KPNA6: variants seen among roughly 807,000 people sequenced by gnomAD.
KPNA6 encodes importin subunit alpha-7.
Under a neutral mutation model 72.0 loss-of-function variants are expected in KPNA6, and 9 were observed. The ratio of observed to expected loss-of-function variants is 0.13; its 90% CI spans 0.08 to 0.22. The LOEUF (loss-of-function observed/expected upper bound fraction) is 0.22, where lower values mean the gene tolerates loss of function less well. Ranked by LOEUF, KPNA6 falls within the 10% of genes least tolerant of loss-of-function variation. KPNA6 has a pLI of 1.00. For missense variants in KPNA6, 374 were observed against 655.7 expected (o/e 0.57, Z 4.69); for synonymous variants, 219 against 242.1 (o/e 0.90, Z 0.89).
rs1347986659 is a variant in KPNA6, at chr1:32,119,020, A to T, written c.4+10886A>T. 4.0e-3 allele frequency among the ~76,000 whole-genome samples: 291 copies of T among 72,740 alleles called. 17 individuals are homozygous for T. The highest frequency in any genetic ancestry group is 9.9e-3 in the East Asian group (24 of 2,434). The allele number at this position is 72,740 out of a possible 152,430, so 47.7% of individuals were successfully genotyped here. ...TACATATATATATATATATATATAT[A>T]TATATATATATATTTTTTTTTTTTT... On this transcript the variant is annotated intron_variant, in intron 1 of 13. Coordinates refer to ENST00000373625, the MANE Select transcript of KPNA6 (RefSeq NM_012316.5).
chr1:32,118,295 T>G (rs1641362735), intron 1 of KPNA6, among the ~76,000 whole-genome samples: 1 of 151,970 alleles, frequency 6.6e-6, no homozygotes, highest in African/African-American at 2.4e-5. Flanking sequence ...ACTTTATGCC[T>G]TCCAGTTTGG....
At chr1:32,139,722 T>C (rs1287882287) in intron 1 of KPNA6, among the ~76,000 whole-genome samples, 2 of 152,190 alleles carry the variant, frequency 1.3e-5, no homozygotes, top group Admixed American at 6.6e-5. Context: ...GATAATGATA[T>C]TGTAGTTTTT....
chr1:32,174,411 A>T lies in KPNA6; in HGVS notation c.*3517A>T, dbSNP rs1437626427. 1 of 152,208 alleles carries T rather than the reference A, an allele frequency of 6.6e-6. No individual in the cohort carries two copies. The highest frequency in any genetic ancestry group is 2.4e-5 in the African/African-American group (1 of 41,448). 9.4% of individuals were successfully genotyped at this position (152,208 alleles called of 1,614,324 possible). A position where few individuals can be genotyped will look rare whatever the true frequency, so the allele number is the denominator to read the frequency against. On this transcript the variant is annotated 3_prime_UTR_variant, in exon 14 of 14. Coordinates refer to ENST00000373625, the MANE Select transcript of KPNA6 (RefSeq NM_012316.5). ...CAAACCAGTTTAAAATGTCTAGCAGAATGAACTGTATTTCCATTTCTTCAT... is the reference window on the plus strand; with the variant it reads ...CAAACCAGTTTAAAATGTCTAGCAGTATGAACTGTATTTCCATTTCTTCAT...
At chr1:32,120,413 T>C (rs919287016) in intron 1 of KPNA6, among the ~76,000 whole-genome samples, 3 of 148,566 alleles carry the variant, frequency 2.0e-5, no homozygotes, top group African/African-American at 7.7e-5. Flanking sequence ...CCTCCCTAAC[T>C]TTTTTTGTAT....
intron 9 of KPNA6, 117 bp from the exon 10 acceptor site, chr1:32,163,114 GAAAA>G: frequency 4.5e-6 from 3 of 669,846 alleles, no homozygotes. Context: ...AAAAAAAAAA[GAAAA>G]AAGAAAAAAA....
rs138994041 is a variant in KPNA6 at position 32,173,356 on chromosome 1, A to G, written c.*2462A>G. On this transcript the variant is annotated 3_prime_UTR_variant, in exon 14 of 14. Coordinates refer to ENST00000373625, the MANE Select transcript of KPNA6 (RefSeq NM_012316.5). Reference sequence around the variant, plus strand: ...TTGTCCAGCTGTTCCTCCAAAATCTACTTTGGCTTCAGCTCCGGGTCCTGT... The same window carrying G: ...TTGTCCAGCTGTTCCTCCAAAATCTGCTTTGGCTTCAGCTCCGGGTCCTGT... 3.6e-4 allele frequency: 133 copies of G among 365,538 alleles called. No homozygotes were observed. Among genetic ancestry groups the G allele is most frequent in the African/African-American group, 2.5e-3 (120 of 47,926 alleles). 22.6% of individuals were successfully genotyped at this position (365,538 alleles called of 1,614,324 possible).
At chr1:32,143,484 A>C (rs1641875480) in intron 1 of KPNA6, among the ~76,000 whole-genome samples, 1 of 151,716 alleles carries the variant, frequency 6.6e-6, no homozygotes, top group Non-Finnish European at 1.5e-5. Flanking sequence ...ACTTGAGGAG[A>C]ATCACTTGAA....
chr1:32,163,655 AC>A (rs1298164342), intron 10 of KPNA6, among the ~76,000 whole-genome samples: 1 of 152,154 alleles, frequency 6.6e-6, no homozygotes, highest in Non-Finnish European at 1.5e-5. Flanking sequence ...ATGGAACTCC[AC>A]CCCTGCTTCC....
At chr1:32,128,367 T>A (rs1641569714) in intron 1 of KPNA6, among the ~76,000 whole-genome samples, 1 of 132,658 alleles carries the variant, frequency 7.5e-6, no homozygotes, top group African/African-American at 2.7e-5. Flanking sequence ...ATATATATAT[T>A]TTTTATATTA....
intron 1 of KPNA6, among the ~76,000 whole-genome samples, chr1:32,116,471 T>A (rs1236943164): frequency 6.6e-6 from 1 of 151,992 alleles, no homozygotes; most frequent in Admixed American, 6.6e-5. Context: ...TCAGCCTGAC[T>A]AACATGGAGA....
chr1:32,167,402 C>A, intron 12 of KPNA6, 106 bp downstream of exon 12: 1 of 1,270,594 alleles, frequency 7.9e-7, no homozygotes, highest in Non-Finnish European at 1.1e-6. Flanking sequence ...CAGGTCTGCC[C>A]CCTAGTCTCA....
rs1467642466 is a variant in KPNA6 at position 32,175,401 on chromosome 1, T to G, written c.*4507T>G. 3 of 152,286 alleles carry G rather than the reference T, an allele frequency of 2.0e-5. No homozygotes were observed. The East Asian group carries it at 5.8e-4, about 29-fold the overall frequency. 9.4% of individuals were successfully genotyped at this position (152,286 alleles called of 1,614,324 possible). A position where few individuals can be genotyped will look rare whatever the true frequency, so the allele number is the denominator to read the frequency against. On this transcript the variant is annotated 3_prime_UTR_variant, in exon 14 of 14. Coordinates refer to ENST00000373625, the MANE Select transcript of KPNA6 (RefSeq NM_012316.5). ...GCCCTGTTCTCCTGTAACTATTATA[T>G]ACGCCATGGCCTGGGGGGCATTGAA...
At chr1:32,154,972 G>A (rs919154792) in intron 2 of KPNA6, among the ~76,000 whole-genome samples, 8 of 152,022 alleles carry the variant, frequency 5.3e-5, no homozygotes, top group Admixed American at 1.3e-4. Context: ...TTAGCCGGAC[G>A]TGGTGGCATG....
At position 32,173,337 on chromosome 1, in the gene KPNA6, AG is replaced by A. The variant is rs1264043929; in HGVS notation, c.*2444del. The A allele has an allele frequency of 7.9e-6, 3 of 379,904 alleles. No individual in the cohort carries two copies. The highest frequency in any genetic ancestry group is 1.4e-5 in the Non-Finnish European group (3 of 214,922). The allele number at this position is 379,904 out of a possible 1,614,324, so 23.5% of individuals were successfully genotyped here. On this transcript the variant is annotated 3_prime_UTR_variant, in exon 14 of 14. Coordinates refer to ENST00000373625, the MANE Select transcript of KPNA6 (RefSeq NM_012316.5). ...TAAGACATACACATCCTGCTTGTCC[AG>A]CTGTTCCTCCAAAATCTACTTTGGC...
chr1:32,160,853 C>G, intron 7 of KPNA6, 150 bp downstream of exon 7: 6 of 632,514 alleles, frequency 9.5e-6, no homozygotes, highest in Non-Finnish European at 1.2e-5. Flanking sequence ...AGATAGGTAT[C>G]TTTGGAGATT....
chr1:32,108,856 G>A (rs1641194539), intron 1 of KPNA6, among the ~76,000 whole-genome samples: 1 of 152,192 alleles, frequency 6.6e-6, no homozygotes, highest in Non-Finnish European at 1.5e-5. Context: ...TCTTTCTGAG[G>A]GGACTCCGGC....
At chr1:32,110,613 A>AC (rs1159865575) in intron 1 of KPNA6, among the ~76,000 whole-genome samples, 1 of 152,186 alleles carries the variant, frequency 6.6e-6, no homozygotes, top group Non-Finnish European at 1.5e-5. Flanking sequence ...TAAATAAGAT[A>AC]ACAGCATTTG....
chr1:32,167,245 C>T lies in KPNA6; in HGVS notation c.1193C>T (p.Ala398Val). ...QKAEFRTRKEAAWAITNATSG... is the reference protein window; with the variant it reads ...QKAEFRTRKEVAWAITNATSG... ...GCAGAGTTTCGTACAAGGAAAGAGGCAGCCTGGGCCATCACCAATGCCACA... is the reference window on the plus strand; with the variant it reads ...GCAGAGTTTCGTACAAGGAAAGAGGTAGCCTGGGCCATCACCAATGCCACA... The change falls in exon 12 of 14, where the codon GCA (alanine) becomes GTA (valine). Residue 398 changes from alanine (A) to valine (V), a missense_variant. Ala to Val is a moderately conservative substitution (Grantham distance 64, BLOSUM62 0). This residue lies in a region of KPNA6 where 298 missense variants were observed against 495.4 expected (regional missense o/e 0.60). Coordinates refer to ENST00000373625, the MANE Select transcript of KPNA6 (RefSeq NM_012316.5). 1 of 1,614,086 alleles carries T rather than the reference C, an allele frequency of 6.2e-7. No individual in the cohort carries two copies. The highest frequency in any genetic ancestry group is 8.5e-7 in the Non-Finnish European group (1 of 1,179,976).
chr1:32,127,836 A>C (rs1641561150), intron 1 of KPNA6, among the ~76,000 whole-genome samples: 1 of 152,192 alleles, frequency 6.6e-6, no homozygotes, highest in African/African-American at 2.4e-5. Context: ...CTCTGAACTC[A>C]TTGTACAGTT....
Sources: allele counts gnomAD v4.1 joint callset (sites outside exome capture counted in the v4.1 genomes callset), GRCh38; gene constraint gnomAD v4.1.1; regional missense constraint gnomAD v4.1.1; transcripts MANE v1.5; gene names NCBI Gene and HGNC (gene_info 2026-07-23, HGNC 2026-07-21).